The following CCDC85A variants were observed in gnomAD, a reference collection of about 807,000 sequenced individuals.
CCDC85A encodes coiled-coil domain-containing protein 85A.
In CCDC85A, 38 loss-of-function variants were observed where a neutral mutation model predicts 50.2. That is an observed-to-expected ratio of 0.76 (90% CI 0.58 to 0.99). The LOEUF is 0.99. Among genes scored for constraint, CCDC85A ranks in the 50% least tolerant of loss-of-function variants. The pLI is 0.00. For synonymous variants in CCDC85A, 366 were observed against 301.4 expected (o/e 1.21, Z -2.22); for missense variants, 820 against 742.0 (o/e 1.11, Z -1.22).
chr2:56,266,045 G>A (rs1046441779), intron 2 of CCDC85A, among the ~76,000 whole-genome samples: 3 of 152,170 alleles, frequency 2.0e-5, no homozygotes, highest in Admixed American at 2.0e-4. Flanking sequence ...GCCAGACACG[G>A]AAAGACAAAT....
intron 2 of CCDC85A, among the ~76,000 whole-genome samples, chr2:56,308,557 TA>T (rs1672546087): frequency 6.6e-6 from 1 of 152,212 alleles, no homozygotes; most frequent in East Asian, 1.9e-4. Flanking sequence ...ACACAATTTC[TA>T]TGAACTTTGG....
intron 2 of CCDC85A, among the ~76,000 whole-genome samples, chr2:56,208,429 A>G (rs995010773): frequency 4.6e-5 from 7 of 152,176 alleles, no homozygotes; most frequent in African/African-American, 1.7e-4. Flanking sequence ...CACTGAAGAT[A>G]TAGTTCCACT....
intron 2 of CCDC85A, among the ~76,000 whole-genome samples, chr2:56,291,974 T>G (rs575564777): frequency 3.9e-5 from 6 of 152,168 alleles, no homozygotes; most frequent in Admixed American, 2.6e-4. Context: ...AAGAGACAGA[T>G]GGAGGGGATT....
intron 2 of CCDC85A, among the ~76,000 whole-genome samples, chr2:56,254,707 G>A (rs1669907871): frequency 6.6e-6 from 1 of 152,162 alleles, no homozygotes; most frequent in Admixed American, 6.6e-5. Context: ...TACTATAAGG[G>A]AAAAATATAG....
At chr2:56,379,891 A>T (rs573428070) in intron 5 of CCDC85A, 1 of 612,782 alleles carries the variant, frequency 1.6e-6, no homozygotes, top group East Asian at 1.4e-4. Flanking sequence ...GTTGAAAGCC[A>T]CATCGTAGCT....
rs1406827386 is a variant in CCDC85A, at chr2:56,384,286, A to C, written c.1593A>C (p.Gly531=). Reference sequence around the variant, plus strand: ...TTAAGGTTGTGTGGAGGAAACTTGGAGATGCTGCAGGTTCGTGTCCTGGAA... The same window carrying C: ...TTAAGGTTGTGTGGAGGAAACTTGGCGATGCTGCAGGTTCGTGTCCTGGAA... ...HSLKVVWRKL[G]DAAGSCPGIR... Residue 531 remains glycine (G), a synonymous_variant, in exon 6 of 6, where the codon GGA becomes GGC. Coordinates refer to ENST00000407595, the MANE Select transcript of CCDC85A (RefSeq NM_001080433.2). 1.2e-6 allele frequency: 2 copies of C among 1,610,820 alleles called. No individual in the cohort carries two copies. The highest frequency in any genetic ancestry group is 1.7e-6 in the Non-Finnish European group (2 of 1,178,006).
chr2:56,260,710 A>T (rs534708373), intron 2 of CCDC85A, among the ~76,000 whole-genome samples: 1 of 152,186 alleles, frequency 6.6e-6, no homozygotes, highest in Non-Finnish European at 1.5e-5. Context: ...TGGCTGTGGA[A>T]TGTATATGTG....
chr2:56,202,410 C>T (rs1039781751), intron 2 of CCDC85A, among the ~76,000 whole-genome samples: 14 of 152,308 alleles, frequency 9.2e-5, no homozygotes, highest in Admixed American at 2.6e-4. Context: ...TACCCCAAGG[C>T]CATATTCCTT....
rs1304279297 is a variant in CCDC85A, at chr2:56,372,317, A to G, written c.1318-27A>G. 12 of 1,505,388 alleles carry G rather than the reference A, an allele frequency of 8.0e-6. No individual in the cohort carries two copies. The South Asian group carries it at 1.6e-4, about 20-fold the overall frequency. 93.3% of individuals were successfully genotyped at this position (1,505,388 alleles called of 1,614,324 possible). On this transcript the variant is annotated intron_variant, in intron 3 of 5. Transcript: ENST00000407595. ...TTGGGAAACAGTATTTTTCTGAGTG[A>G]TTGTACCATATTGTTCCAAATATAA...
At chr2:56,271,279 CA>C (rs1192837732) in intron 2 of CCDC85A, among the ~76,000 whole-genome samples, 3 of 152,246 alleles carry the variant, frequency 2.0e-5, no homozygotes, top group African/African-American at 4.8e-5. Context: ...GAACAGAGCA[CA>C]GGGGCAGGGT....
In CCDC85A at chr2:56,193,256, C is replaced by T. The variant is rs2103827499; in HGVS notation, c.1056C>T (p.Pro352=). The change falls in exon 2 of 6, where the codon CCC becomes CCT. Residue 352 remains proline, a synonymous_variant. Coordinates refer to ENST00000407595, the MANE Select transcript of CCDC85A (RefSeq NM_001080433.2). ...TTGGGGGGAGCCTAGAGCATCTCCC[C>T]AGAGCCAGGGGCACCAGCCCGGAGC... ...HALGGSLEHL[P]RARGTSPEHL... 1 of 1,612,878 alleles carries T rather than the reference C, an allele frequency of 6.2e-7. No homozygotes were observed. Among genetic ancestry groups the T allele is most frequent in the East Asian group, 2.2e-5 (1 of 44,784 alleles).
intron 1 of CCDC85A, among the ~76,000 whole-genome samples, chr2:56,190,367 T>C (rs762774272): frequency 6.6e-6 from 1 of 152,184 alleles, no homozygotes; most frequent in Non-Finnish European, 1.5e-5. Flanking sequence ...ACTAGTCATC[T>C]TAAAAATTCC....
intron 2 of CCDC85A, among the ~76,000 whole-genome samples, chr2:56,260,394 CAAG>C (rs1371538542): frequency 6.6e-6 from 1 of 152,154 alleles, no homozygotes; most frequent in African/African-American, 2.4e-5. Flanking sequence ...GTGTTCTTTT[CAAG>C]AAGATGTTTG....
intron 2 of CCDC85A, among the ~76,000 whole-genome samples, chr2:56,283,683 A>G (rs1422104895): frequency 1.3e-5 from 2 of 152,164 alleles, no homozygotes; most frequent in East Asian, 3.9e-4. Flanking sequence ...TTTCATTTAC[A>G]TTAGTAAAAT....
chr2:56,192,563 G>A lies in CCDC85A; in HGVS notation c.363G>A (p.Arg121=). ...FLDDDRQKGK[R]VSREWQRLGR... Reference sequence around the variant, plus strand: ...ATGATGACCGGCAGAAAGGCAAGAGGGTGTCTCGGGAGTGGCAGAGACTGG... The same window carrying A: ...ATGATGACCGGCAGAAAGGCAAGAGAGTGTCTCGGGAGTGGCAGAGACTGG... The change falls in exon 2 of 6, where the codon AGG becomes AGA. Residue 121 remains arginine, a synonymous_variant. Coordinates refer to ENST00000407595, the MANE Select transcript of CCDC85A (RefSeq NM_001080433.2). The surrounding 1 kb of genome is among the most constrained non-coding windows in gnomAD (Gnocchi z 4.7). 6.2e-7 allele frequency: 1 copy of A among 1,613,938 alleles called. No homozygotes were observed. The highest frequency in any genetic ancestry group is 8.5e-7 in the Non-Finnish European group (1 of 1,179,884).
At chr2:56,361,214 A>G (rs949255854) in intron 3 of CCDC85A, among the ~76,000 whole-genome samples, 2 of 151,970 alleles carry the variant, frequency 1.3e-5, no homozygotes, top group Non-Finnish European at 2.9e-5. Context: ...AGATCGCGCC[A>G]CTGCACTCCA....
chr2:56,354,755 C>A (rs1315440179), intron 3 of CCDC85A, among the ~76,000 whole-genome samples: 2 of 152,188 alleles, frequency 1.3e-5, no homozygotes, highest in Admixed American at 6.5e-5. Context: ...TAGGTGTTAG[C>A]TTAATTGTTT....
At chr2:56,304,089 T>G in intron 2 of CCDC85A, among the ~76,000 whole-genome samples, 1 of 152,320 alleles carries the variant, frequency 6.6e-6, no homozygotes, top group East Asian at 1.9e-4. Flanking sequence ...AGGTGGCAAC[T>G]GTGATTGTTC....
chr2:56,204,375 G>A (rs542638944), intron 2 of CCDC85A, among the ~76,000 whole-genome samples: 41 of 152,126 alleles, frequency 2.7e-4, no homozygotes, highest in Admixed American at 1.1e-3. Context: ...TTATAGTGCT[G>A]AACATGTTTT....
Sources: allele counts gnomAD v4.1 joint callset (sites outside exome capture counted in the v4.1 genomes callset), GRCh38; gene constraint gnomAD v4.1.1; non-coding constraint Gnocchi (gnomAD v3.1); transcripts MANE v1.5; gene names NCBI Gene and HGNC (gene_info 2026-07-23, HGNC 2026-07-21).